CCDC82: variants seen among roughly 807,000 people sequenced by gnomAD.
The protein encoded by CCDC82 is coiled-coil domain-containing protein 82.
Under a neutral mutation model 60.6 loss-of-function variants are expected in CCDC82, and 47 were observed. The ratio of observed to expected loss-of-function variants is 0.77; its 90% CI spans 0.61 to 0.99. The LOEUF (loss-of-function observed/expected upper bound fraction) is 0.99, where lower values mean the gene tolerates loss of function less well. CCDC82 is among the 50% of genes least tolerant of loss of function. The probability of loss-of-function intolerance (pLI) is 0.00; values close to 1 mark genes in which losing one functional copy is unlikely to be tolerated. For missense variants in CCDC82, 588 were observed against 633.0 expected, an observed-to-expected ratio of 0.93 and a Z score of 0.76; for synonymous variants, 212 against 207.4, an observed-to-expected ratio of 1.02 and a Z score of -0.19.
rs545446060 is a variant in CCDC82, at chr11:96,388,319, T to C, written c.-138-706A>G. 3 of 152,336 alleles carry C rather than the reference T, an allele frequency of 2.0e-5. No homozygotes were observed. The South Asian group carries it at 6.2e-4, about 32-fold the overall frequency. The allele number at this position is 152,336 out of a possible 1,614,324, so 9.4% of individuals were successfully genotyped here. ...TGCAAATGAATGTTACTTCTGTATA[T>C]GTTGAATATACACTTAATTTCCTGA... On this transcript the variant is annotated intron_variant, in intron 1 of 9. Transcript: ENST00000646818.
At chr11:96,358,180 T>C in intron 9 of CCDC82, 1 of 992,946 alleles carries the variant, frequency 1.0e-6, no homozygotes, top group Non-Finnish European at 1.2e-6. Context: ...GGCTTTTTTC[T>C]TTTCTTTAAA....
chr11:96,383,812 G>C (rs1866014359), intron 4 of CCDC82, 150 bp downstream of exon 4: 1 of 714,564 alleles, frequency 1.4e-6, no homozygotes, highest in African/African-American at 1.8e-5. Flanking sequence ...ACGTACAATA[G>C]TGTAATCAAA....
At chr11:96,375,413 T>C (rs1865516996) in intron 5 of CCDC82, among the ~76,000 whole-genome samples, 1 of 152,202 alleles carries the variant, frequency 6.6e-6, no homozygotes, top group Admixed American at 6.5e-5. Flanking sequence ...TATCAGAATG[T>C]ACTTCAAAAA....
At chr11:96,364,048 C>T (rs1864815847) in intron 8 of CCDC82, 1 of 152,114 alleles carries the variant, frequency 6.6e-6, no homozygotes, top group East Asian at 1.9e-4. Flanking sequence ...TTTCTTACTC[C>T]ACTTTCCTCT....
intron 6 of CCDC82, 85 bp downstream of exon 6, chr11:96,373,282 TTTTGTTTA>T: frequency 1.4e-6 from 1 of 731,384 alleles, no homozygotes; most frequent in Non-Finnish European, 2.3e-6. Flanking sequence ...TCCTCATTGG[TTTTGTTTA>T]ATCTACATAG....
intron 8 of CCDC82, among the ~76,000 whole-genome samples, chr11:96,359,814 C>T (rs1864546000): frequency 2.0e-5 from 3 of 149,878 alleles, no homozygotes; most frequent in Admixed American, 2.0e-4. Flanking sequence ...TTTTCTTTTC[C>T]CCCCCCAAAA....
intron 5 of CCDC82, among the ~76,000 whole-genome samples, chr11:96,378,864 T>C (rs1391451897): frequency 6.6e-6 from 1 of 151,924 alleles, no homozygotes; most frequent in Non-Finnish European, 1.5e-5. Flanking sequence ...TAGGGATTGA[T>C]AATAAAAGAA....
intron 9 of CCDC82, chr11:96,357,771 C>G (rs1864421896): frequency 1.1e-5 from 11 of 985,192 alleles, no homozygotes; most frequent in Non-Finnish European, 1.1e-5. Flanking sequence ...TTAATGTTGT[C>G]TAGGAAAATG....
chr11:96,369,949 A>G (rs1178108009), intron 7 of CCDC82, among the ~76,000 whole-genome samples: 2 of 152,386 alleles, frequency 1.3e-5, no homozygotes, highest in East Asian at 1.9e-4. Context: ...AAGTATATAC[A>G]GTATTTCATT....
intron 6 of CCDC82, among the ~76,000 whole-genome samples, 193 bp downstream of exon 6, chr11:96,373,182 C>G (rs1345775135): frequency 6.6e-6 from 1 of 152,176 alleles, no homozygotes; most frequent in East Asian, 1.9e-4. Flanking sequence ...CCACATATCT[C>G]AGATAATGAA....
At chr11:96,389,505 C>G (rs1419716701) in intron 1 of CCDC82, 1 of 152,474 alleles carries the variant, frequency 6.6e-6, no homozygotes, top group African/African-American at 2.4e-5. Flanking sequence ...GACGGAAACC[C>G]CCAGACCCCA....
At position 96,383,326 on chromosome 11, in the gene CCDC82, G is replaced by A; in HGVS notation, c.934C>T (p.Gln312Ter). 1 of 1,607,518 alleles carries A rather than the reference G, an allele frequency of 6.2e-7. No individual in the cohort carries two copies. Among genetic ancestry groups the A allele is most frequent in the Non-Finnish European group, 8.5e-7 (1 of 1,175,606 alleles). Reference sequence around the variant, plus strand: ...GATGTAGTCAATTTTTCTCCTTGTTGGTTTTTATTCTCTTCATCACCCTCC... The same window carrying A: ...GATGTAGTCAATTTTTCTCCTTGTTAGTTTTTATTCTCTTCATCACCCTCC... ...DEEGDEENKN[Q>*]QGEKLTTSQL... Residue 312 changes from glutamine (Q) to a stop codon, truncating the protein, a stop_gained, in exon 5 of 10, where the codon CAA becomes TAA. Transcript: ENST00000646818. LOFTEE classifies it high-confidence loss of function.
chr11:96,357,013 C>T, intron 9 of CCDC82: 1 of 985,462 alleles, frequency 1.0e-6, no homozygotes. Flanking sequence ...TCAAGTAACA[C>T]TGAGCCCCAG....
At chr11:96,377,679 T>C (rs1474210787) in intron 5 of CCDC82, among the ~76,000 whole-genome samples, 1 of 152,098 alleles carries the variant, frequency 6.6e-6, no homozygotes, top group Non-Finnish European at 1.5e-5. Context: ...GATATATTAA[T>C]GTGATATATT....
rs770935639 is a variant in CCDC82 at position 96,373,470 on chromosome 11, G to A, written c.992-3C>T. On this transcript the variant is annotated splice_polypyrimidine_tract_variant and splice_region_variant and intron_variant, in intron 5 of 9. Transcript: ENST00000646818. Reference sequence around the variant, plus strand: ...AGTATAGTGGTCACTAAAAGAATCTGAAATTAATTTCAAATAAATATTAGA... The same window carrying A: ...AGTATAGTGGTCACTAAAAGAATCTAAAATTAATTTCAAATAAATATTAGA... The A allele has an allele frequency of 2.6e-6, 4 of 1,554,750 alleles. No homozygotes were observed. The highest frequency in any genetic ancestry group is 3.5e-6 in the Non-Finnish European group (4 of 1,133,398).
At chr11:96,358,748 T>C in intron 9 of CCDC82, 1 of 917,572 alleles carries the variant, frequency 1.1e-6, no homozygotes, top group East Asian at 3.2e-5. Flanking sequence ...GGTCCTTCAA[T>C]AAAGGACAGT....
intron 8 of CCDC82, chr11:96,364,761 C>T (rs1435958334): frequency 2.3e-6 from 1 of 439,212 alleles, no homozygotes; most frequent in Non-Finnish European, 4.0e-6. Flanking sequence ...TAGACTCTGA[C>T]ATACTTCTAA....
chr11:96,359,056 T>C lies in CCDC82; in HGVS notation c.1503A>G (p.Glu501=), dbSNP rs748166576. The C allele has an allele frequency of 7.5e-6, 12 of 1,609,376 alleles. No individual in the cohort carries two copies. In the East Asian group the frequency reaches 1.1e-4, roughly 15 times the overall value. ...TTCTTTCCACTGTTTCTTTAACTTG[T>C]TCATCTTCAACTTCTTCTGTCATTG... ...TIAMTEEVED[E]QVKETVERIF... The change falls in exon 9 of 10, where the codon GAA becomes GAG. Residue 501 remains glutamate (E), a synonymous_variant. Transcript: ENST00000646818.
intron 6 of CCDC82, among the ~76,000 whole-genome samples, chr11:96,372,258 CCTT>C (rs970335174): frequency 9.2e-5 from 14 of 152,192 alleles, no homozygotes; most frequent in African/African-American, 3.4e-4. Context: ...CCCCAAGAGG[CCTT>C]TTTTGACTAA....
Sources: allele counts gnomAD v4.1 joint callset (sites outside exome capture counted in the v4.1 genomes callset), GRCh38; gene constraint gnomAD v4.1.1; transcripts MANE v1.5; gene names NCBI Gene and HGNC (gene_info 2026-07-23, HGNC 2026-07-21).